CDH18: variants seen among roughly 807,000 people sequenced by gnomAD.
CDH18 encodes cadherin 18, also known as cadherin-18.
Under a neutral mutation model 67.9 loss-of-function variants are expected in CDH18, and 31 were observed. The ratio of observed to expected loss-of-function variants is 0.46; its 90% CI spans 0.34 to 0.62. The LOEUF (loss-of-function observed/expected upper bound fraction) is 0.62. CDH18 is among the 20% of genes least tolerant of loss of function. CDH18 has a pLI of 0.01. For synonymous variants in CDH18, 362 were observed against 347.2 expected (o/e 1.04, Z -0.48); for missense variants, 890 against 975.5 (o/e 0.91, Z 1.17).
chr5:19,716,940 T>G (rs762333380), intron 5 of CDH18, among the ~76,000 whole-genome samples: 6 of 151,936 alleles, frequency 3.9e-5, no homozygotes, highest in Non-Finnish European at 8.8e-5. Flanking sequence ...CACGCAAATA[T>G]GAAAATTAAA....
chr5:19,802,158 T>C (rs1405739953), intron 3 of CDH18, among the ~76,000 whole-genome samples: 1 of 152,160 alleles, frequency 6.6e-6, no homozygotes, highest in Non-Finnish European at 1.5e-5. Flanking sequence ...TTCTGCTTGG[T>C]GTTCTTTTAT....
chr5:20,413,890 G>T (rs1026618128), intron 1 of CDH18, among the ~76,000 whole-genome samples: 1 of 152,078 alleles, frequency 6.6e-6, no homozygotes, highest in African/African-American at 2.4e-5. Flanking sequence ...CCTTGCCCAT[G>T]CCTGTAACCT....
chr5:19,917,499 T>G (rs1791959761), intron 2 of CDH18, among the ~76,000 whole-genome samples: 1 of 152,166 alleles, frequency 6.6e-6, no homozygotes, highest in Non-Finnish European at 1.5e-5. Context: ...CACTGTATAT[T>G]AAGAGTAAAA....
chr5:19,853,019 TA>T (rs753049794), intron 2 of CDH18, among the ~76,000 whole-genome samples: 2 of 151,872 alleles, frequency 1.3e-5, no homozygotes, highest in African/African-American at 2.4e-5. Flanking sequence ...AAATAAAGAA[TA>T]AAAAAAATAC....
chr5:20,095,446 A>AG (rs70954633), intron 2 of CDH18, among the ~76,000 whole-genome samples: 29 of 141,962 alleles, frequency 2.0e-4, no homozygotes, highest in Non-Finnish European at 2.9e-4. Flanking sequence ...AAAGAAAGAA[A>AG]AGAAAGAAAG....
chr5:20,408,530 T>C (rs1316046986), intron 1 of CDH18, among the ~76,000 whole-genome samples: 4 of 151,876 alleles, frequency 2.6e-5, no homozygotes, highest in African/African-American at 9.7e-5. Flanking sequence ...TAGACTGTTA[T>C]TAGTGTGAGA....
At chr5:19,718,824 G>C (rs1023516420) in intron 5 of CDH18, among the ~76,000 whole-genome samples, 17 of 151,904 alleles carry the variant, frequency 1.1e-4, no homozygotes, top group African/African-American at 4.1e-4. Flanking sequence ...CAAGAGCAAA[G>C]AAAATTTTGT....
chr5:20,167,928 G>A (rs1379602107), intron 2 of CDH18, among the ~76,000 whole-genome samples: 1 of 152,178 alleles, frequency 6.6e-6, no homozygotes, highest in African/African-American at 2.4e-5. Flanking sequence ...GGTTAGCTTC[G>A]TGGACAAGAA....
At chr5:19,497,119 CT>C (rs985450359) in intron 11 of CDH18, among the ~76,000 whole-genome samples, 43 of 151,980 alleles carry the variant, frequency 2.8e-4, no homozygotes, top group African/African-American at 1.0e-3. Context: ...CCACTTTCCC[CT>C]ACCCCCACCA....
chr5:20,213,126 C>T (rs1561881913), intron 2 of CDH18, among the ~76,000 whole-genome samples: 1 of 152,068 alleles, frequency 6.6e-6, no homozygotes, highest in East Asian at 1.9e-4. Context: ...ATATACAACA[C>T]TTACTTAAAC....
intron 1 of CDH18, among the ~76,000 whole-genome samples, chr5:20,329,149 A>G (rs199507129): frequency 1.3e-5 from 2 of 152,334 alleles, no homozygotes; most frequent in East Asian, 1.9e-4. Flanking sequence ...GAGGGCTTCA[A>G]TGAGGAGTTG....
chr5:19,495,725 AAAAAAAAAAAAAAAAAAG>A (rs1403161123), intron 11 of CDH18, among the ~76,000 whole-genome samples: 1 of 146,936 alleles, frequency 6.8e-6, no homozygotes, highest in Non-Finnish European at 1.5e-5. Context: ...CTCAAAAAAA[AAAAAAAAAAAAAAAAAAG>A]AAAGAAAGAA....
intron 1 of CDH18, among the ~76,000 whole-genome samples, chr5:20,290,970 A>C (rs1168568432): frequency 6.6e-6 from 1 of 152,140 alleles, no homozygotes; most frequent in Non-Finnish European, 1.5e-5. Context: ...GCAAAACTGG[A>C]TGCAAAGGTT....
At chr5:19,511,442 GA>G (rs1745094685) in intron 10 of CDH18, among the ~76,000 whole-genome samples, 1 of 152,138 alleles carries the variant, frequency 6.6e-6, no homozygotes, top group African/African-American at 2.4e-5. Context: ...GGAGGGCTTA[GA>G]AGACAGGAAG....
chr5:19,634,937 C>CA (rs11343866), intron 5 of CDH18, among the ~76,000 whole-genome samples: 160 of 125,762 alleles, frequency 1.3e-3, no homozygotes, highest in African/African-American at 2.9e-3. Context: ...AACTGCATCT[C>CA]AAAAAAAAAA....
intron 8 of CDH18, among the ~76,000 whole-genome samples, chr5:19,552,799 G>T (rs894543508): frequency 6.6e-6 from 1 of 152,060 alleles, no homozygotes; most frequent in Non-Finnish European, 1.5e-5. Flanking sequence ...CAGATAAATG[G>T]ATCCATTCAT....
At chr5:19,865,825 T>C (rs1785422267) in intron 2 of CDH18, among the ~76,000 whole-genome samples, 1 of 152,218 alleles carries the variant, frequency 6.6e-6, no homozygotes, top group South Asian at 2.1e-4. Context: ...TGGTGTTTCA[T>C]GGACAGAACT....
intron 8 of CDH18, among the ~76,000 whole-genome samples, chr5:19,548,451 G>A (rs374788867): frequency 1.3e-5 from 2 of 152,118 alleles, no homozygotes; most frequent in East Asian, 1.9e-4. Flanking sequence ...ATTGCCATAT[G>A]TGTGAGGCAG....
chr5:19,655,004 C>T (rs1251583237), intron 5 of CDH18, among the ~76,000 whole-genome samples: 1 of 152,048 alleles, frequency 6.6e-6, no homozygotes, highest in Admixed American at 6.6e-5. Context: ...TATATGGGTA[C>T]AGGATAGGGG....
Sources: gnomAD v4.1 joint callset for allele counts (sites outside exome capture counted in the v4.1 genomes callset) on GRCh38, gnomAD v4.1.1 for gene constraint, MANE v1.5 for transcripts, NCBI Gene and HGNC (gene_info 2026-07-23, HGNC 2026-07-21) for gene names.